The following LRRCC1 variants were observed in gnomAD, a reference collection of about 807,000 sequenced individuals.
LRRCC1 encodes the protein leucine rich repeat and coiled-coil centrosomal protein 1, also known as leucine-rich repeat and coiled-coil domain-containing protein 1.
Under a neutral mutation model 126.0 loss-of-function variants are expected in LRRCC1, and 115 were observed. The observed-to-expected ratio is 0.91, with a 90% CI of 0.78 to 1.07. The LOEUF is 1.07. Among genes scored for constraint, LRRCC1 ranks in the 50% least tolerant of loss-of-function variants. LRRCC1 has a pLI of 0.00. For missense variants in LRRCC1, 1,172 were observed against 1,175.7 expected (o/e 1.00, Z 0.05); for synonymous variants, 400 against 393.4 (o/e 1.02, Z -0.20).
chr8:85,127,003 A>C (rs1000471923), intron 9 of LRRCC1, among the ~76,000 whole-genome samples, 166 bp downstream of exon 9: 3 of 152,168 alleles, frequency 2.0e-5, no homozygotes, highest in Non-Finnish European at 4.4e-5. Context: ...TTAGCTTGTT[A>C]TATCAACAAG....
In LRRCC1 at chr8:85,138,084, C is replaced by A; in HGVS notation, c.2543C>A (p.Thr848Lys). The A allele has an allele frequency of 6.3e-7, 1 of 1,596,808 alleles. No individual in the cohort carries two copies. Residue 848 changes from threonine to lysine, a missense_variant, in exon 16 of 19, where the codon ACA becomes AAA. Transcript: ENST00000360375. Reference sequence around the variant, plus strand: ...ATCAAAAGATTACAAGAAAAGATCACAGAAATAGAAAAATGCACTCAAGAA... The same window carrying A: ...ATCAAAAGATTACAAGAAAAGATCAAAGAAATAGAAAAATGCACTCAAGAA... The part of the protein sequence containing the change: ...EHIKRLQEKI[T>K]EIEKCTQEQL...
Position 85,113,053 on chromosome 8 carries a change from T to G in LRRCC1, c.498T>G (p.Leu166=). The G allele has an allele frequency of 6.2e-7, 1 of 1,612,824 alleles. No homozygotes were observed. Among genetic ancestry groups the G allele is most frequent in the Non-Finnish European group, 8.5e-7 (1 of 1,179,294 alleles). ...CMVGLHFLTN[L]ILEKDGDDNP... ...TAGGATTGCACTTCCTGACCAATCT[T>G]ATTTTGGAGAAAGATGGAGACGATA... Residue 166 remains leucine, a synonymous_variant, in exon 4 of 19, where the codon CTT becomes CTG. Coordinates refer to ENST00000360375, the MANE Select transcript of LRRCC1 (RefSeq NM_033402.5).
At chr8:85,109,831 C>A (rs755689447) in intron 2 of LRRCC1, 31 bp downstream of exon 2, 3 of 1,189,466 alleles carry the variant, frequency 2.5e-6, no homozygotes, top group South Asian at 1.6e-5. Flanking sequence ...TAACACTTAG[C>A]GTAAGGAAAA....
At position 85,107,311 on chromosome 8, in the gene LRRCC1, G is replaced by C; in HGVS notation, c.16G>C (p.Ala6Pro). MEAAA[A>P]VVAAEAEVEN... ...CGCCAGTGCTATGGAGGCGGCGGCG[G>C]CGGTGGTGGCGGCAGAGGCGGAAGT... The change falls in exon 1 of 19, where the codon GCG becomes CCG. Residue 6 changes from alanine (A) to proline (P), a missense_variant. Ala to Pro is a conservative substitution (Grantham distance 27). Coordinates refer to ENST00000360375, the MANE Select transcript of LRRCC1 (RefSeq NM_033402.5). The C allele has an allele frequency of 6.2e-7, 1 of 1,612,034 alleles. No homozygotes were observed. Among genetic ancestry groups the C allele is most frequent in the Non-Finnish European group, 8.5e-7 (1 of 1,179,382 alleles).
At chr8:85,132,375 C>CTTTTTTTTTTTTTTT (rs551423793) in intron 12 of LRRCC1, among the ~76,000 whole-genome samples, 3 of 109,960 alleles carry the variant, frequency 2.7e-5, no homozygotes, top group Non-Finnish European at 5.5e-5. Context: ...TGAGTACTTT[C>CTTTTTTTTTTTTTTT]TTTTTTTTTT....
At chr8:85,122,482 A>G (rs1809631761) in intron 6 of LRRCC1, among the ~76,000 whole-genome samples, 1 of 152,130 alleles carries the variant, frequency 6.6e-6, no homozygotes, top group Non-Finnish European at 1.5e-5. Context: ...GTTCAGCTTC[A>G]TGTACTCTTT....
In LRRCC1 at chr8:85,134,934, T is replaced by C; in HGVS notation, c.2056T>C (p.Ser686Pro). 6.3e-7 allele frequency: 1 copy of C among 1,596,094 alleles called. No individual in the cohort carries two copies. Among genetic ancestry groups the C allele is most frequent in the Non-Finnish European group, 8.5e-7 (1 of 1,176,190 alleles). The change falls in exon 13 of 19, where the codon TCC (serine) becomes CCC (proline). Residue 686 changes from serine (S) to proline (P), a missense_variant. Coordinates refer to ENST00000360375, the MANE Select transcript of LRRCC1 (RefSeq NM_033402.5). Reference protein sequence around the residue: ...IWAQRKENESSSLIKDLTCMV... With the variant: ...IWAQRKENESPSLIKDLTCMV... ...GGCTCAACGAAAAGAAAATGAGTCT[T>C]CCTCTTTAATTAAAGATCTGACCTG... is the stretch of plus-strand genomic sequence containing the variant.
chr8:85,116,886 A>G (rs2135933806), intron 6 of LRRCC1, among the ~76,000 whole-genome samples: 1 of 152,224 alleles, frequency 6.6e-6, no homozygotes, highest in East Asian at 1.9e-4. Flanking sequence ...TCAGAAATCC[A>G]TAGAGATTTC....
At chr8:85,138,501 G>C (rs767541232) in intron 17 of LRRCC1, 26 bp downstream of exon 17, 7 of 1,595,682 alleles carry the variant, frequency 4.4e-6, no homozygotes, top group Non-Finnish European at 6.0e-6. Context: ...TAAAGGATTT[G>C]AGATCTCCTT....
chr8:85,144,474 A>ATATATT (rs1563963702), intron 18 of LRRCC1, among the ~76,000 whole-genome samples: 1 of 46,880 alleles, frequency 2.1e-5, no homozygotes, highest in East Asian at 3.5e-4. Flanking sequence ...ATATATATAT[A>ATATATT]TTTTTTTTTT....
In LRRCC1 at chr8:85,145,428, G is replaced by A; in HGVS notation, c.3016G>A (p.Glu1006Lys). Residue 1006 changes from glutamate to lysine, a missense_variant, in exon 19 of 19, where the codon GAA becomes AAA. Glu to Lys is a moderately conservative substitution (Grantham distance 56). Coordinates refer to ENST00000360375, the MANE Select transcript of LRRCC1 (RefSeq NM_033402.5). ...AAAAGAAATGCGTGAACTTTTGGAA[G>A]AAACATGCAAGAACAAAAAAACAAT... ...IEKEMRELLE[E>K]TCKNKKTMEA... 6.4e-7 allele frequency: 1 copy of A among 1,569,990 alleles called. No individual in the cohort carries two copies. Among genetic ancestry groups the A allele is most frequent in the Non-Finnish European group, 8.6e-7 (1 of 1,162,666 alleles).
Position 85,107,244 on chromosome 8 carries a change from A to C in LRRCC1, c.-52A>C, listed in dbSNP as rs1808296278. 6.5e-7 allele frequency: 1 copy of C among 1,545,812 alleles called. No individual in the cohort carries two copies. Among genetic ancestry groups the C allele is most frequent in the East Asian group, 2.3e-5 (1 of 43,350 alleles). On this transcript the variant is annotated 5_prime_UTR_variant, in exon 1 of 19. Coordinates refer to ENST00000360375, the MANE Select transcript of LRRCC1 (RefSeq NM_033402.5). Reference sequence around the variant, plus strand: ...CTTCCGGGAGGCTTGTCCCAAGCTCACGGACCCCTCGCTGGGTGCCGGTTA... The same window carrying C: ...CTTCCGGGAGGCTTGTCCCAAGCTCCCGGACCCCTCGCTGGGTGCCGGTTA...
Position 85,135,046 on chromosome 8 carries a change from A to C in LRRCC1, c.2154+14A>C, listed in dbSNP as rs761955899. On this transcript the variant is annotated intron_variant, in intron 13 of 18. Coordinates refer to ENST00000360375, the MANE Select transcript of LRRCC1 (RefSeq NM_033402.5). ...GCAAATTTACAGGTAAGACTTTGCA[A>C]CATTATATGTTTTAAAATTTTTTTA... 26 of 1,455,040 alleles carry C rather than the reference A, an allele frequency of 1.8e-5. No homozygotes were observed. The South Asian group carries it at 2.6e-4, about 14-fold the overall frequency. 90.1% of individuals were successfully genotyped at this position (1,455,040 alleles called of 1,614,324 possible).
intron 18 of LRRCC1, 66 bp downstream of exon 18, chr8:85,141,583 C>A (rs1587450770): frequency 1.7e-6 from 2 of 1,211,896 alleles, no homozygotes; most frequent in East Asian, 2.6e-5. Flanking sequence ...TAAATTAGAT[C>A]TTCGAGAATT....
At chr8:85,116,840 G>C (rs1230921473) in intron 6 of LRRCC1, among the ~76,000 whole-genome samples, 1 of 152,200 alleles carries the variant, frequency 6.6e-6, no homozygotes, top group Non-Finnish European at 1.5e-5. Flanking sequence ...TGCCTTAGGT[G>C]AGTGAAAGTC....
Position 85,126,711 on chromosome 8 carries a change from A to G in LRRCC1, c.1295A>G (p.Gln432Arg), listed in dbSNP as rs1810030333. 1 of 1,611,180 alleles carries G rather than the reference A, an allele frequency of 6.2e-7. No homozygotes were observed. The highest frequency in any genetic ancestry group is 8.5e-7 in the Non-Finnish European group (1 of 1,179,106). The change falls in exon 9 of 19, where the codon CAA (glutamine) becomes CGA (arginine). Residue 432 changes from glutamine to arginine, a missense_variant. Transcript: ENST00000360375. ...CAGTCCCTTGTTGAACAGCTAGACC[A>G]AGAGAGAGAGAAGAGATGGAGAGCT... ...TYQSLVEQLDQEREKRWRAEQ... is the reference protein window; with the variant it reads ...TYQSLVEQLDREREKRWRAEQ...
chr8:85,123,669 G>T, intron 7 of LRRCC1, 63 bp downstream of exon 7: 1 of 1,217,112 alleles, frequency 8.2e-7, no homozygotes, highest in Non-Finnish European at 1.1e-6. Context: ...CTTCTCTCTT[G>T]AAGCTATCTC....
intron 18 of LRRCC1, among the ~76,000 whole-genome samples, chr8:85,144,470 A>ATTT (rs1563963624): frequency 5.5e-5 from 1 of 18,026 alleles, no homozygotes; most frequent in African/African-American, 3.3e-4. Context: ...ATATATATAT[A>ATTT]TATATTTTTT....
At position 85,123,403 on chromosome 8, in the gene LRRCC1, T is replaced by A; in HGVS notation, c.931-10T>A. On this transcript the variant is annotated splice_polypyrimidine_tract_variant and intron_variant, in intron 6 of 18. Transcript: ENST00000360375. ...CTTTTAACAAATTTTGTTGGCTTTT[T>A]AAATTTTAGACTTCTAATTCAATAG... The A allele has an allele frequency of 6.4e-7, 1 of 1,564,612 alleles. No individual in the cohort carries two copies.
Sources: allele counts gnomAD v4.1 joint callset (sites outside exome capture counted in the v4.1 genomes callset), GRCh38; gene constraint gnomAD v4.1.1; transcripts MANE v1.5; gene names NCBI Gene and HGNC (gene_info 2026-07-23, HGNC 2026-07-21).